EYS: variants seen among roughly 807,000 people sequenced by gnomAD.
The protein encoded by EYS is EGF-like photoreceptor maintenance factor.
A neutral mutation model predicts 282.1 loss-of-function variants in EYS; 250 were observed. The observed-to-expected ratio is 0.89, with a 90% CI of 0.80 to 0.98. EYS has a LOEUF of 0.98. EYS is among the 50% of genes least tolerant of loss of function. The probability of loss-of-function intolerance (pLI) is 0.00; values close to 1 mark genes in which losing one functional copy is unlikely to be tolerated. For synonymous variants in EYS, 1,355 were observed against 1,282.9 expected, an observed-to-expected ratio of 1.06 and a Z score of -1.20; for missense variants, 4,016 against 3,709.0, an observed-to-expected ratio of 1.08 and a Z score of -2.15.
At chr6:65,082,021 C>T (rs1047942145) in intron 12 of EYS, among the ~76,000 whole-genome samples, 1 of 152,030 alleles carries the variant, frequency 6.6e-6, no homozygotes, top group Non-Finnish European at 1.5e-5. Context: ...TTCTACTGAT[C>T]TCTAAGTCAT....
intron 42 of EYS, 53 bp downstream of exon 42, chr6:63,726,466 C>T (rs2149631625): frequency 6.8e-7 from 1 of 1,464,632 alleles, no homozygotes; most frequent in East Asian, 2.5e-5. Flanking sequence ...TCATACATTA[C>T]TTAATAGACT....
intron 29 of EYS, among the ~76,000 whole-genome samples, chr6:64,328,607 A>T (rs1770517742): frequency 6.6e-6 from 1 of 152,188 alleles, no homozygotes. Flanking sequence ...AGGCACAAGG[A>T]GACATAAAGC....
chr6:63,840,279 T>C (rs1324337924), intron 36 of EYS, among the ~76,000 whole-genome samples: 1 of 151,424 alleles, frequency 6.6e-6, no homozygotes, highest in African/African-American at 2.4e-5. Flanking sequence ...TTAGCCAGGA[T>C]GGTCTCCATC....
At chr6:63,992,910 G>A (rs1300522498) in intron 34 of EYS, among the ~76,000 whole-genome samples, 1 of 151,718 alleles carries the variant, frequency 6.6e-6, no homozygotes, top group Non-Finnish European at 1.5e-5. Flanking sequence ...CCAGATCAAG[G>A]TAATTTCATC....
chr6:64,145,152 T>G (rs1053982741), intron 31 of EYS, among the ~76,000 whole-genome samples: 1 of 152,188 alleles, frequency 6.6e-6, no homozygotes. Context: ...ACCTTTAGAC[T>G]AATATAGTTC....
intron 5 of EYS, among the ~76,000 whole-genome samples, chr6:65,486,261 C>T (rs1171554851): frequency 1.3e-5 from 2 of 152,110 alleles, no homozygotes; most frequent in African/African-American, 4.8e-5. Flanking sequence ...TGTGACAAAA[C>T]TATTATTGAA....
intron 26 of EYS, among the ~76,000 whole-genome samples, chr6:64,500,332 A>T (rs1293414928): frequency 1.3e-5 from 2 of 152,162 alleles, no homozygotes; most frequent in Non-Finnish European, 2.9e-5. Flanking sequence ...TTAAAGGACC[A>T]TAATTTTCCT....
At chr6:64,660,368 TG>T (rs1388290284) in intron 22 of EYS, among the ~76,000 whole-genome samples, 1 of 151,694 alleles carries the variant, frequency 6.6e-6, no homozygotes, top group Non-Finnish European at 1.5e-5. Flanking sequence ...TTCAACATAG[TG>T]TTGGAAGTTC....
At chr6:65,019,987 C>T (rs1018363319) in intron 13 of EYS, among the ~76,000 whole-genome samples, 8 of 152,150 alleles carry the variant, frequency 5.3e-5, no homozygotes, top group African/African-American at 7.2e-5. Flanking sequence ...ATCATGAGAA[C>T]GGCAAGAGAG....
Position 65,368,429 on chromosome 6 carries a change from T to C in EYS, c.1300-14812A>G, listed in dbSNP as rs989883074. ...GTTGAACACATCTGAAGCTTTATTA[T>C]TGTTTGCTGCCTAGGAAAGAACAAG... On this transcript the variant is annotated intron_variant, in intron 8 of 42. Coordinates refer to ENST00000503581, the MANE Select transcript of EYS (RefSeq NM_001142800.2). Among the ~76,000 whole-genome samples, 4 of 151,698 alleles carry C rather than the reference T, an allele frequency of 2.6e-5. No homozygotes were observed. The South Asian group carries it at 8.3e-4, about 31-fold the overall frequency.
intron 12 of EYS, among the ~76,000 whole-genome samples, chr6:65,088,829 A>G (rs1774463368): frequency 6.6e-6 from 1 of 152,158 alleles, no homozygotes; most frequent in Admixed American, 6.6e-5. Context: ...CCAGGCCCAG[A>G]GTCCCCCTTC....
At chr6:65,366,511 G>A (rs1764918492) in intron 8 of EYS, among the ~76,000 whole-genome samples, 1 of 151,708 alleles carries the variant, frequency 6.6e-6, no homozygotes, top group Non-Finnish European at 1.5e-5. Flanking sequence ...TACATTTTTA[G>A]AGAGGACCTA....
chr6:64,827,908 C>T (rs578235371), intron 19 of EYS, among the ~76,000 whole-genome samples: 16 of 151,296 alleles, frequency 1.1e-4, no homozygotes, highest in Admixed American at 2.0e-4. Flanking sequence ...AATCCAGAAA[C>T]AACAAAAAAT....
intron 12 of EYS, among the ~76,000 whole-genome samples, chr6:65,240,584 G>T (rs923714137): frequency 3.3e-5 from 5 of 152,112 alleles, no homozygotes; most frequent in African/African-American, 7.2e-5. Flanking sequence ...GTGGCCTCCA[G>T]CTACATCCAT....
chr6:64,449,052 T>G (rs1422105734), intron 26 of EYS, among the ~76,000 whole-genome samples: 1 of 151,964 alleles, frequency 6.6e-6, no homozygotes, highest in Non-Finnish European at 1.5e-5. Context: ...AAGATCAAAC[T>G]ACTCTGAGCT....
At chr6:64,585,123 G>C (rs11756092) in intron 26 of EYS, among the ~76,000 whole-genome samples, 14,986 of 152,074 alleles carry the variant, frequency 0.099, 920 homozygotes, top group East Asian at 0.17. Flanking sequence ...ATACATCATT[G>C]AATACTACAC....
chr6:64,301,191 A>G (rs1237726604), intron 30 of EYS, among the ~76,000 whole-genome samples: 1 of 152,212 alleles, frequency 6.6e-6, no homozygotes, highest in Non-Finnish European at 1.5e-5. Flanking sequence ...CTAAAAACTT[A>G]CGTACCTTAA....
chr6:65,129,798 C>CA (rs1408653553), intron 12 of EYS, among the ~76,000 whole-genome samples: 1 of 151,794 alleles, frequency 6.6e-6, no homozygotes, highest in Non-Finnish European at 1.5e-5. Context: ...CCAACAGTCC[C>CA]AATACTGGAT....
chr6:64,789,308 C>A (rs970516100), intron 22 of EYS, among the ~76,000 whole-genome samples: 2 of 152,162 alleles, frequency 1.3e-5, no homozygotes, highest in Admixed American at 6.5e-5. Flanking sequence ...TCAGCCATCT[C>A]TCTTTGTGCT....
Sources: gnomAD v4.1 joint callset for allele counts (sites outside exome capture counted in the v4.1 genomes callset) on GRCh38, gnomAD v4.1.1 for gene constraint, MANE v1.5 for transcripts, NCBI Gene and HGNC (gene_info 2026-07-23, HGNC 2026-07-21) for gene names.